Variants in TPD52L1 observed in about 807,000 individuals in gnomAD.
TPD52L1 encodes the protein tumor protein D53.
Under a neutral mutation model 28.7 loss-of-function variants are expected in TPD52L1, and 18 were observed. The observed-to-expected ratio is 0.63, with a 90% CI of 0.43 to 0.93. The LOEUF (loss-of-function observed/expected upper bound fraction) is 0.93. Ranked by LOEUF, TPD52L1 falls within the 40% of genes least tolerant of loss-of-function variation. The probability of loss-of-function intolerance (pLI) is 0.00; values close to 1 mark genes in which losing one functional copy is unlikely to be tolerated. For synonymous variants in TPD52L1, 75 were observed against 88.8 expected (o/e 0.84, Z 0.88); for missense variants, 203 against 254.8 (o/e 0.80, Z 1.39).
chr6:125,207,251 G>A (rs1794211983), intron 1 of TPD52L1, among the ~76,000 whole-genome samples: 1 of 152,140 alleles, frequency 6.6e-6, no homozygotes, highest in Admixed American at 6.6e-5. Flanking sequence ...TTCAGTTCCT[G>A]TCAAATTTCT....
chr6:125,212,712 G>C (rs1027446419), intron 1 of TPD52L1, among the ~76,000 whole-genome samples: 14 of 152,230 alleles, frequency 9.2e-5, no homozygotes, highest in African/African-American at 3.4e-4. Flanking sequence ...CTGAGCCCCA[G>C]GTCCCATGAA....
intron 1 of TPD52L1, among the ~76,000 whole-genome samples, chr6:125,211,768 G>A (rs1050511081): frequency 3.9e-5 from 6 of 152,216 alleles, no homozygotes; most frequent in South Asian, 2.1e-4. Context: ...AAAACTTCAC[G>A]GCAACAGGAA....
chr6:125,220,753 C>T (rs1249611811), intron 2 of TPD52L1, among the ~76,000 whole-genome samples: 1 of 152,138 alleles, frequency 6.6e-6, no homozygotes, highest in African/African-American at 2.4e-5. Context: ...CTGTGGGGAT[C>T]CGGACCTAGG....
chr6:125,261,145 G>C (rs1562412956), intron 6 of TPD52L1: 1 of 152,066 alleles, frequency 6.6e-6, no homozygotes, highest in African/African-American at 2.4e-5. Flanking sequence ...ATCTGTGAGA[G>C]CAACAATGTG....
intron 1 of TPD52L1, among the ~76,000 whole-genome samples, chr6:125,212,443 T>C (rs2114935876): frequency 6.6e-6 from 1 of 152,314 alleles, no homozygotes; most frequent in African/African-American, 2.4e-5. Flanking sequence ...TCATTTTAAC[T>C]CCCGGTCCTC....
At chr6:125,171,021 G>C (rs1314749685) in intron 1 of TPD52L1, among the ~76,000 whole-genome samples, 2 of 152,132 alleles carry the variant, frequency 1.3e-5, no homozygotes, top group Admixed American at 1.3e-4. Flanking sequence ...CCAAGGGCTG[G>C]CTGATTTTGG....
At chr6:125,217,173 C>T (rs939038872) in intron 1 of TPD52L1, among the ~76,000 whole-genome samples, 12 of 152,130 alleles carry the variant, frequency 7.9e-5, no homozygotes, top group African/African-American at 2.9e-4. Flanking sequence ...CAGTCCCCAA[C>T]CTTTTTGGCA....
At chr6:125,180,548 C>A (rs572871805) in intron 1 of TPD52L1, among the ~76,000 whole-genome samples, 1 of 149,560 alleles carries the variant, frequency 6.7e-6, no homozygotes, top group African/African-American at 2.5e-5. Context: ...TTACCATACA[C>A]ACACACACAT....
At chr6:125,262,507 C>A in intron 6 of TPD52L1, 1 of 188,390 alleles carries the variant, frequency 5.3e-6, no homozygotes, top group Non-Finnish European at 1.1e-5. Flanking sequence ...TTGATTAGAT[C>A]AGTTCTCTGG....
At chr6:125,210,550 T>C (rs1794424904) in intron 1 of TPD52L1, among the ~76,000 whole-genome samples, 1 of 150,184 alleles carries the variant, frequency 6.7e-6, no homozygotes, top group Non-Finnish European at 1.5e-5. Context: ...ATTCATTTTG[T>C]ATGTAATTAC....
At chr6:125,191,929 TAAAGCAGAATC>T (rs928254905) in intron 1 of TPD52L1, among the ~76,000 whole-genome samples, 1 of 152,232 alleles carries the variant, frequency 6.6e-6, no homozygotes, top group African/African-American at 2.4e-5. Flanking sequence ...TTTGCTATTC[TAAAGCAGAATC>T]TAAGTAGAAT....
At chr6:125,218,687 T>G (rs1229963058) in intron 1 of TPD52L1, among the ~76,000 whole-genome samples, 1 of 152,186 alleles carries the variant, frequency 6.6e-6, no homozygotes, top group Non-Finnish European at 1.5e-5. Flanking sequence ...TTCTAGATTG[T>G]CTTCTAAAAT....
intron 1 of TPD52L1, among the ~76,000 whole-genome samples, chr6:125,206,788 G>T (rs771808293): frequency 1.3e-5 from 2 of 152,162 alleles, no homozygotes. Flanking sequence ...ATTCAGTGTT[G>T]TGTAGATTGG....
chr6:125,255,500 G>C (rs1166916517), intron 5 of TPD52L1, among the ~76,000 whole-genome samples: 1 of 152,144 alleles, frequency 6.6e-6, no homozygotes, highest in African/African-American at 2.4e-5. Flanking sequence ...GTGATGCCAT[G>C]TCAGGGCCCT....
At chr6:125,260,941 A>AAAG (rs1797907070) in intron 6 of TPD52L1, 1 of 38,656 alleles carries the variant, frequency 2.6e-5, no homozygotes, top group African/African-American at 2.8e-4. Context: ...AGAAAGAAAG[A>AAAG]AAGAAAGAAA....
intron 1 of TPD52L1, 40 bp from the exon 2 acceptor site, chr6:125,220,038 C>T (rs1795132394): frequency 6.9e-6 from 10 of 1,458,256 alleles, no homozygotes; most frequent in African/African-American, 1.4e-5. Context: ...TTTAAATTCA[C>T]TTTAAAAATT....
intron 1 of TPD52L1, among the ~76,000 whole-genome samples, chr6:125,217,199 G>A (rs1213677553): frequency 2.6e-5 from 4 of 152,244 alleles, no homozygotes; most frequent in Non-Finnish European, 4.4e-5. Flanking sequence ...AACTGGTTTC[G>A]TGGAAGATAA....
intron 1 of TPD52L1, among the ~76,000 whole-genome samples, chr6:125,217,233 G>GT (rs1794947233): frequency 6.6e-6 from 1 of 152,036 alleles, no homozygotes; most frequent in Non-Finnish European, 1.5e-5. Context: ...AAAGGGTGGC[G>GT]GTGATGTTTT....
At chr6:125,193,148 G>T (rs1184258420) in intron 1 of TPD52L1, among the ~76,000 whole-genome samples, 2 of 152,136 alleles carry the variant, frequency 1.3e-5, no homozygotes, top group Non-Finnish European at 2.9e-5. Context: ...GTGTTGCTAG[G>T]ACTAGATTCA....
Sources: allele counts gnomAD v4.1 joint callset (sites outside exome capture counted in the v4.1 genomes callset), GRCh38; gene constraint gnomAD v4.1.1; transcripts MANE v1.5; gene names NCBI Gene and HGNC (gene_info 2026-07-23, HGNC 2026-07-21).